UNC80: variants seen among roughly 807,000 people sequenced by gnomAD.
The protein encoded by UNC80 is unc-80 subunit of NALCN channel complex.
Under a neutral mutation model 384.6 loss-of-function variants are expected in UNC80, and 164 were observed. That is an observed-to-expected ratio of 0.43 (90% CI 0.38 to 0.49). UNC80 has a LOEUF of 0.49. Among genes scored for constraint, UNC80 ranks in the 20% least tolerant of loss-of-function variants. The pLI is 0.00. For synonymous variants in UNC80, 1,486 were observed against 1,527.8 expected (o/e 0.97, Z 0.64); for missense variants, 3,330 against 4,143.0 (o/e 0.80, Z 5.39).
chr2:209,846,909 G>GA (rs1444329564), intron 21 of UNC80, among the ~76,000 whole-genome samples: 2 of 151,978 alleles, frequency 1.3e-5, no homozygotes, highest in Non-Finnish European at 2.9e-5. Context: ...AAATACAGGA[G>GA]AAAACCCAAG....
intron 11 of UNC80, among the ~76,000 whole-genome samples, chr2:209,818,402 A>G (rs1017187222): frequency 2.6e-5 from 4 of 152,016 alleles, no homozygotes; most frequent in East Asian, 1.9e-4. Context: ...TGCAGCAAAC[A>G]TGTGTCTCTG....
intron 2 of UNC80, among the ~76,000 whole-genome samples, chr2:209,773,768 GA>G (rs1290506063): frequency 3.9e-5 from 6 of 152,146 alleles, no homozygotes; most frequent in African/African-American, 1.4e-4. Context: ...AGAACTACTT[GA>G]ACAAAATATA....
intron 51 of UNC80, among the ~76,000 whole-genome samples, chr2:209,965,864 C>T (rs1048711835): frequency 1.3e-5 from 2 of 151,364 alleles, no homozygotes. Flanking sequence ...CTATTATGGG[C>T]TCTTTCAACC....
intron 31 of UNC80, among the ~76,000 whole-genome samples, chr2:209,916,608 A>G (rs776458563): frequency 2.3e-4 from 35 of 152,232 alleles, no homozygotes; most frequent in Non-Finnish European, 1.5e-5. Context: ...AAGTATTATC[A>G]AAAGATAATG....
chr2:209,879,720 C>T (rs2085111942), intron 24 of UNC80, among the ~76,000 whole-genome samples: 2 of 152,152 alleles, frequency 1.3e-5, no homozygotes, highest in Admixed American at 1.3e-4. Context: ...ACTTTCAAGT[C>T]AATACACAGC....
At chr2:209,889,770 TG>T (rs2086157505) in intron 26 of UNC80, among the ~76,000 whole-genome samples, 1 of 152,238 alleles carries the variant, frequency 6.6e-6, no homozygotes, top group South Asian at 2.1e-4. Flanking sequence ...GTTAGTTTGC[TG>T]AGAATGATGG....
intron 26 of UNC80, among the ~76,000 whole-genome samples, chr2:209,889,336 T>G (rs2086119277): frequency 6.6e-6 from 1 of 152,228 alleles, no homozygotes; most frequent in African/African-American, 2.4e-5. Flanking sequence ...TGGCTAAGGA[T>G]GTTTTCTAGA....
At chr2:209,995,284 T>G (rs1459838020) in intron 64 of UNC80, 45 bp from the exon 65 acceptor site, 1 of 1,543,670 alleles carries the variant, frequency 6.5e-7, no homozygotes, top group Non-Finnish European at 8.8e-7. Context: ...TCTTCTCTGG[T>G]ACCCATCCTA....
chr2:209,866,525 C>CAGAG (rs1308031478), intron 22 of UNC80, among the ~76,000 whole-genome samples: 1 of 110,168 alleles, frequency 9.1e-6, no homozygotes, highest in Non-Finnish European at 1.7e-5. Context: ...CACACACACA[C>CAGAG]ACACACACAG....
chr2:209,940,510 C>T (rs559946022), intron 43 of UNC80, among the ~76,000 whole-genome samples: 3 of 152,004 alleles, frequency 2.0e-5, no homozygotes, highest in Non-Finnish European at 4.4e-5. Context: ...GTTTTATCGC[C>T]CTCATCCAGA....
chr2:209,944,478 C>T (rs567103133), intron 45 of UNC80, among the ~76,000 whole-genome samples: 3 of 152,042 alleles, frequency 2.0e-5, no homozygotes, highest in African/African-American at 4.8e-5. Context: ...ATTGTTGTAT[C>T]GTTGTTTTAT....
chr2:209,997,599 G>A lies in UNC80; in HGVS notation c.*2004G>A, dbSNP rs573243038. ...TTTATATGTATTTTAAAAGTATTGG[G>A]CTGTTCTGAACATGATTATGCTGGT... On this transcript the variant is annotated 3_prime_UTR_variant, in exon 65 of 65. Coordinates refer to ENST00000673920, the MANE Select transcript of UNC80 (RefSeq NM_001371986.1). The A allele has an allele frequency of 1.3e-5, 2 of 152,260 alleles. No individual in the cohort carries two copies. The highest frequency in any genetic ancestry group is 1.3e-4 in the Admixed American group (2 of 15,298). The allele number at this position is 152,260 out of a possible 1,614,324, so 9.4% of individuals were successfully genotyped here.
intron 21 of UNC80, among the ~76,000 whole-genome samples, chr2:209,849,092 A>G (rs991244730): frequency 4.6e-5 from 7 of 152,168 alleles, no homozygotes; most frequent in Non-Finnish European, 7.4e-5. Context: ...CTGAAATTGC[A>G]CAGTGATTGC....
intron 35 of UNC80, 135 bp downstream of exon 35, chr2:209,922,518 A>C (rs1310340748): frequency 5.4e-6 from 6 of 1,113,082 alleles, no homozygotes; most frequent in Non-Finnish European, 7.3e-6. Context: ...TCTAAAAAAA[A>C]TTAGCATGGC....
chr2:209,983,645 T>C (rs1304317248), intron 60 of UNC80, among the ~76,000 whole-genome samples: 1 of 152,198 alleles, frequency 6.6e-6, no homozygotes, highest in African/African-American at 2.4e-5. Context: ...AATCAATTAT[T>C]TGAAAGTTTT....
chr2:209,907,622 G>A (rs893966365), intron 29 of UNC80, among the ~76,000 whole-genome samples: 1 of 152,224 alleles, frequency 6.6e-6, no homozygotes, highest in African/African-American at 2.4e-5. Context: ...GATGCATGAT[G>A]AAGCTGCACA....
chr2:209,863,314 A>G (rs6712943), intron 22 of UNC80, among the ~76,000 whole-genome samples: 26,686 of 151,914 alleles, frequency 0.18, 3,201 homozygotes, highest in African/African-American at 0.34. Flanking sequence ...ATGTGTCTTG[A>G]GGTTGATCTT....
At chr2:209,937,720 A>G (rs1236746853) in intron 42 of UNC80, 90 bp downstream of exon 42, 2 of 999,930 alleles carry the variant, frequency 2.0e-6, no homozygotes, top group Non-Finnish European at 1.5e-6. Context: ...AGATTTTATG[A>G]TTCCATTTTG....
rs148005408 is a variant in UNC80 at position 209,910,997 on chromosome 2, A to G, written c.4783-1563A>G. 3.8e-3 allele frequency among the ~76,000 whole-genome samples: 582 copies of G among 152,236 alleles called. 5 individuals carry two copies. The highest frequency in any genetic ancestry group is 0.013 in the African/African-American group (530 of 41,538). The stretch of plus-strand genomic sequence containing the variant: ...TGTATTAGTCTGTTCTCATGCTGCT[A>G]TAAAGAAATACCCTAGACTGGGTAA... On this transcript the variant is annotated intron_variant, in intron 29 of 64. Coordinates refer to ENST00000673920, the MANE Select transcript of UNC80 (RefSeq NM_001371986.1).
Sources: gnomAD v4.1 joint callset for allele counts (sites outside exome capture counted in the v4.1 genomes callset) on GRCh38, gnomAD v4.1.1 for gene constraint, MANE v1.5 for transcripts, NCBI Gene and HGNC (gene_info 2026-07-23, HGNC 2026-07-21) for gene names.